GBX1: variants seen among roughly 807,000 people sequenced by gnomAD.
The protein encoded by GBX1 is gastrulation brain homeobox 1.
A neutral mutation model predicts 22.9 loss-of-function variants in GBX1; 9 were observed. The observed-to-expected ratio is 0.39, with a 90% CI of 0.24 to 0.69. GBX1 has a LOEUF of 0.69. Ranked by LOEUF, GBX1 falls within the 30% of genes least tolerant of loss-of-function variation. The pLI is 0.43. For synonymous variants in GBX1, 203 were observed against 227.3 expected, an observed-to-expected ratio of 0.89 and a Z score of 0.96; for missense variants, 494 against 509.2, an observed-to-expected ratio of 0.97 and a Z score of 0.29.
intron 1 of GBX1, among the ~76,000 whole-genome samples, chr7:151,159,204 C>G (rs1471624862): frequency 1.3e-5 from 2 of 151,872 alleles, no homozygotes; most frequent in Non-Finnish European, 2.9e-5. Flanking sequence ...CTTACCTCAG[C>G]CTCCAGTGTA....
At chr7:151,157,875 C>A (rs1801153171) in intron 1 of GBX1, among the ~76,000 whole-genome samples, 1 of 152,156 alleles carries the variant, frequency 6.6e-6, no homozygotes, top group African/African-American at 2.4e-5. Context: ...ACACTAGAAT[C>A]CACTCAGGTC....
At chr7:151,162,168 ACT>A (rs1436885071) in intron 1 of GBX1, among the ~76,000 whole-genome samples, 3 of 152,140 alleles carry the variant, frequency 2.0e-5, no homozygotes, top group Non-Finnish European at 4.4e-5. Flanking sequence ...TGCAGCAATC[ACT>A]CTGACTGTAT....
chr7:151,149,117 A>G lies in GBX1; in HGVS notation c.564T>C (p.Asp188=). Residue 188 remains aspartate (D), a synonymous_variant, in exon 2 of 2, where the codon GAT becomes GAC. Transcript: ENST00000297537. Reference sequence around the variant, plus strand: ...CTGCTGATGCCTCCAGCTTCTCCTCATCTGAGCTGTACACCTTCCCCTCTG... The same window carrying G: ...CTGCTGATGCCTCCAGCTTCTCCTCGTCTGAGCTGTACACCTTCCCCTCTG... ...LPAEGKVYSS[D]EEKLEASAGD... is the part of the protein sequence containing the mutation. 6.2e-7 allele frequency: 1 copy of G among 1,608,736 alleles called. No individual in the cohort carries two copies. Among genetic ancestry groups the G allele is most frequent in the Non-Finnish European group, 8.5e-7 (1 of 1,179,920 alleles).
chr7:151,162,626 T>A (rs1801197619), intron 1 of GBX1, among the ~76,000 whole-genome samples: 1 of 152,242 alleles, frequency 6.6e-6, no homozygotes, highest in African/African-American at 2.4e-5. Flanking sequence ...CTATGCCCAA[T>A]ACTGGTATTA....
chr7:151,160,259 C>T (rs115734142), intron 1 of GBX1, among the ~76,000 whole-genome samples: 34 of 152,286 alleles, frequency 2.2e-4, no homozygotes, highest in African/African-American at 7.7e-4. Flanking sequence ...ACACATAATT[C>T]ATAGAATAGT....
At position 151,167,148 on chromosome 7, in the gene GBX1, CGGGCGGCAGTGGCGGCGG is replaced by C; in HGVS notation, c.383_400del (p.Ala128_Arg134delinsGly). ...TCGGCCGCCTGGCTCGGGGTTGTTT[CGGGCGGCAGTGGCGGCGG>C]CGGCGGCAGCGGCGGCGGCGAGCTC... On this transcript the variant is annotated inframe_deletion, in exon 1 of 2. Transcript: ENST00000297537. The surrounding 1 kb of genome is among the most constrained non-coding windows in gnomAD (Gnocchi z 5.9). 1 of 1,599,668 alleles carries C rather than the reference CGGGCGGCAGTGGCGGCGG, an allele frequency of 6.3e-7. No individual in the cohort carries two copies. Among genetic ancestry groups the C allele is most frequent in the South Asian group, 1.1e-5 (1 of 89,576 alleles).
At position 151,148,700 on chromosome 7, in the gene GBX1, A is replaced by G. The variant is rs1294850157; in HGVS notation, c.981T>C (p.Arg327=). Residue 327 remains arginine, a synonymous_variant, in exon 2 of 2, where the codon CGT becomes CGC. Transcript: ENST00000297537. The surrounding 1 kb of genome is among the most constrained non-coding windows in gnomAD (Gnocchi z 5.1). ...TGGGGTTTCTTACGGGCTCCCCAGA[A>G]CGGCTGCTCACATTGCCAGCTTTGA... The part of the protein sequence containing the change: ...KRIKAGNVSS[R]SGEPVRNPKI... 16 of 1,614,012 alleles carry G rather than the reference A, an allele frequency of 9.9e-6. No homozygotes were observed. Among genetic ancestry groups the G allele is most frequent in the Non-Finnish European group, 1.4e-5 (16 of 1,180,042 alleles).
intron 1 of GBX1, among the ~76,000 whole-genome samples, chr7:151,159,181 C>T (rs74717011): frequency 0.069 from 10,456 of 151,532 alleles, 429 homozygotes; most frequent in African/African-American, 0.11. Context: ...ACCTCCCAGG[C>T]TCAAGGGATC....
At chr7:151,166,349 C>T (rs910488594) in intron 1 of GBX1, among the ~76,000 whole-genome samples, 2 of 152,068 alleles carry the variant, frequency 1.3e-5, no homozygotes, top group Non-Finnish European at 2.9e-5. Context: ...CTCTTGGTCT[C>T]CTAGTCAGCA....
chr7:151,152,753 C>A (rs1052750224), intron 1 of GBX1, among the ~76,000 whole-genome samples: 10 of 152,174 alleles, frequency 6.6e-5, no homozygotes, highest in African/African-American at 2.4e-4. Flanking sequence ...TCAGACAGAT[C>A]CATAAAATGA....
intron 1 of GBX1, among the ~76,000 whole-genome samples, chr7:151,154,667 C>T (rs1464130326): frequency 6.6e-6 from 1 of 152,158 alleles, no homozygotes; most frequent in Non-Finnish European, 1.5e-5. Context: ...AAGGTTTGAA[C>T]CTTGATTACT....
In GBX1 at chr7:151,148,846, C is replaced by T. The variant is rs267601420; in HGVS notation, c.835G>A (p.Glu279Lys). Residue 279 changes from glutamate (E) to lysine (K), a missense_variant, in exon 2 of 2, where the codon GAA (glutamate) becomes AAA (lysine). This residue lies in a region of GBX1 where 124 missense variants were observed against 152.0 expected (regional missense o/e 0.82). Coordinates refer to ENST00000297537, the MANE Select transcript of GBX1 (RefSeq NM_001098834.3). This position sits in a 1 kb window ranked among gnomAD's most constrained non-coding sequence, Gnocchi z 5.1. ...CTCAGGTATTTCTTGCAATGAAATT[C>T]CTTCTCCAATTCCAAAAGCTGCTCG... is the stretch of plus-strand genomic sequence containing the variant. ...TSEQLLELEK[E>K]FHCKKYLSLT... 3.1e-6 allele frequency: 5 copies of T among 1,614,174 alleles called. No homozygotes were observed. Among genetic ancestry groups the T allele is most frequent in the Non-Finnish European group, 4.2e-6 (5 of 1,180,040 alleles).
At chr7:151,166,734 T>C (rs1382191088) in intron 1 of GBX1, among the ~76,000 whole-genome samples, 1 of 152,100 alleles carries the variant, frequency 6.6e-6, no homozygotes, top group South Asian at 2.1e-4. Flanking sequence ...CAAGTCTTGA[T>C]GGCTAGGATG....
chr7:151,160,478 T>G (rs760517821), intron 1 of GBX1, among the ~76,000 whole-genome samples: 3 of 152,250 alleles, frequency 2.0e-5, no homozygotes, highest in Non-Finnish European at 4.4e-5. Flanking sequence ...AGTATTTTCC[T>G]GTTCCTCCCA....
Position 151,148,747 on chromosome 7 carries a change from G to A in GBX1, c.934C>T (p.Arg312Ter). The A allele has an allele frequency of 2.5e-6, 4 of 1,614,190 alleles. No individual in the cohort carries two copies. The highest frequency in any genetic ancestry group is 2.2e-5 in the East Asian group (1 of 44,880). Residue 312 changes from arginine to a stop codon, truncating the protein, a stop_gained, in exon 2 of 2, where the codon CGA (arginine) becomes TGA (stop). Transcript: ENST00000297537. LOFTEE classifies it high-confidence loss of function. This position sits in a 1 kb window ranked among gnomAD's most constrained non-coding sequence, Gnocchi z 5.1. ...EVQVKIWFQN[R>*]RAKWKRIKAG... ...TTGATGCGCTTCCACTTGGCCCGTC[G>A]ATTCTGAAACCAGATCTTGACCTGC... is the stretch of plus-strand genomic sequence containing the variant.
intron 1 of GBX1, among the ~76,000 whole-genome samples, chr7:151,155,740 T>G (rs1786773873): frequency 6.6e-6 from 1 of 152,208 alleles, no homozygotes; most frequent in Non-Finnish European, 1.5e-5. Context: ...CACTCTTGTA[T>G]GATCTTTAAC....
intron 1 of GBX1, among the ~76,000 whole-genome samples, chr7:151,163,590 A>C (rs562284503): frequency 9.2e-5 from 14 of 152,370 alleles, no homozygotes; most frequent in African/African-American, 3.4e-4. Context: ...TATCATTAAA[A>C]TGTTAATATT....
intron 1 of GBX1, among the ~76,000 whole-genome samples, chr7:151,155,777 A>G (rs999528126): frequency 6.6e-6 from 1 of 152,212 alleles, no homozygotes; most frequent in East Asian, 1.9e-4. Flanking sequence ...CACATTTACT[A>G]TCTTATCTTC....
chr7:151,156,385 C>CAAAAA (rs56947735), intron 1 of GBX1, among the ~76,000 whole-genome samples: 22 of 15,924 alleles, frequency 1.4e-3, no homozygotes, highest in Non-Finnish European at 2.1e-3. Flanking sequence ...GACCCTGTCT[C>CAAAAA]AAAAAAAAAA....
Sources: allele counts gnomAD v4.1 joint callset (sites outside exome capture counted in the v4.1 genomes callset), GRCh38; gene constraint gnomAD v4.1.1; regional missense constraint gnomAD v4.1.1; non-coding constraint Gnocchi (gnomAD v3.1); transcripts MANE v1.5; gene names NCBI Gene and HGNC (gene_info 2026-07-23, HGNC 2026-07-21).